Variants in PCDHA1 observed in about 807,000 individuals in gnomAD.
The protein encoded by PCDHA1 is protocadherin alpha-1.
Under a neutral mutation model 61.3 loss-of-function variants are expected in PCDHA1, and 42 were observed. The observed-to-expected ratio is 0.69, with a 90% CI of 0.54 to 0.89. PCDHA1 has a LOEUF of 0.89. Among genes scored for constraint, PCDHA1 ranks in the 40% least tolerant of loss-of-function variants. The probability of loss-of-function intolerance (pLI) is 0.00; values close to 1 mark genes in which losing one functional copy is unlikely to be tolerated. For synonymous variants in PCDHA1, 610 were observed against 553.8 expected (o/e 1.10, Z -1.43); for missense variants, 1,256 against 1,235.3 (o/e 1.02, Z -0.25).
chr5:140,880,528 A>T lies in PCDHA1; in HGVS notation c.2394+91844A>T, dbSNP rs539592135. ...GTTTGGTCACATCTCTCAATGTGTGAATCATCTGAAAGTGAACTGATGGAA... is the reference window on the plus strand; with the variant it reads ...GTTTGGTCACATCTCTCAATGTGTGTATCATCTGAAAGTGAACTGATGGAA... On this transcript the variant is annotated intron_variant, in intron 1 of 3. Coordinates refer to ENST00000504120, the MANE Select transcript of PCDHA1 (RefSeq NM_018900.4). 7.9e-5 allele frequency among the ~76,000 whole-genome samples: 12 copies of T among 152,354 alleles called. No homozygotes were observed. The East Asian group carries it at 2.3e-3, about 29-fold the overall frequency.
chr5:141,002,049 A>G (rs1288460436), intron 3 of PCDHA1, among the ~76,000 whole-genome samples: 1 of 152,228 alleles, frequency 6.6e-6, no homozygotes, highest in Non-Finnish European at 1.5e-5. Flanking sequence ...CTGGGCATCC[A>G]GAGGCAGCAG....
intron 1 of PCDHA1, chr5:140,828,936 A>G (rs1554131652): frequency 3.1e-6 from 5 of 1,614,144 alleles, no homozygotes; most frequent in Non-Finnish European, 4.2e-6. Flanking sequence ...TATTCTTTTA[A>G]TAGCCTTGTT....
At chr5:140,802,435 T>C in intron 1 of PCDHA1, 1 of 1,614,234 alleles carries the variant, frequency 6.2e-7, no homozygotes, top group Non-Finnish European at 8.5e-7. Context: ...GACAGCCCTC[T>C]GGACCGCGAG....
At chr5:140,858,790 AT>A in intron 1 of PCDHA1, 1 of 388,116 alleles carries the variant, frequency 2.6e-6, no homozygotes. Context: ...ATGTTATTTC[AT>A]TTCCAATCTA....
intron 1 of PCDHA1, among the ~76,000 whole-genome samples, chr5:140,798,771 C>A (rs947635529): frequency 6.6e-6 from 1 of 152,128 alleles, no homozygotes; most frequent in African/African-American, 2.4e-5. Context: ...CTGAACTCGA[C>A]AAGTAAATGT....
At chr5:140,837,441 C>T (rs1199592642) in intron 1 of PCDHA1, among the ~76,000 whole-genome samples, 4 of 151,714 alleles carry the variant, frequency 2.6e-5, no homozygotes, top group Admixed American at 6.6e-5. Flanking sequence ...AAATCTAGTA[C>T]GTAGTAAAAA....
chr5:140,853,994 C>T (rs1157670229), intron 1 of PCDHA1: 36 of 477,606 alleles, frequency 7.5e-5, no homozygotes, highest in Non-Finnish European at 9.6e-5. Flanking sequence ...TGAGACTCAT[C>T]TCTGCCAAAA....
At chr5:140,823,917 G>A in intron 1 of PCDHA1, 1 of 1,614,028 alleles carries the variant, frequency 6.2e-7, no homozygotes, top group Non-Finnish European at 8.5e-7. Flanking sequence ...TGCTCACGCT[G>A]CTGCTGTACA....
chr5:140,944,853 C>T (rs1230548858), intron 1 of PCDHA1, among the ~76,000 whole-genome samples: 1 of 152,118 alleles, frequency 6.6e-6, no homozygotes, highest in East Asian at 1.9e-4. Context: ...TTAGAATCAT[C>T]CTTATTTATC....
rs1291413682 is a variant in PCDHA1, at chr5:140,856,005, C to G, written c.2394+67321C>G. ...GAAAATGTCAGATCGTATGTGCGTT[C>G]TAGACCGCTGATTCGTCGATTTGTA... is the stretch of plus-strand genomic sequence containing the variant. On this transcript the variant is annotated intron_variant, in intron 1 of 3. Coordinates refer to ENST00000504120, the MANE Select transcript of PCDHA1 (RefSeq NM_018900.4). 6.5e-6 allele frequency: 10 copies of G among 1,538,764 alleles called. 3 individuals carry two copies. In the African/African-American group the frequency reaches 1.4e-4, roughly 21 times the overall value.
chr5:140,928,701 G>T, intron 1 of PCDHA1: 1 of 1,614,132 alleles, frequency 6.2e-7, no homozygotes, highest in Non-Finnish European at 8.5e-7. Context: ...TCTCCCGGGC[G>T]TCTGACTCTA....
At chr5:140,871,653 C>A in intron 1 of PCDHA1, 1 of 1,244,246 alleles carries the variant, frequency 8.0e-7, no homozygotes, top group Non-Finnish European at 1.1e-6. Context: ...CCAAATGATA[C>A]ACATCTTCAG....
chr5:141,000,163 A>G (rs2097894710), intron 3 of PCDHA1, among the ~76,000 whole-genome samples: 1 of 152,054 alleles, frequency 6.6e-6, no homozygotes, highest in African/African-American at 2.4e-5. Context: ...AAACTATTTG[A>G]TTATTGAGCC....
intron 3 of PCDHA1, among the ~76,000 whole-genome samples, chr5:141,001,177 T>G (rs2097996689): frequency 6.6e-6 from 1 of 152,154 alleles, no homozygotes; most frequent in Non-Finnish European, 1.5e-5. Context: ...TAACGAGTTT[T>G]TACTTTGCAC....
chr5:140,808,215 A>G (rs1307561739), intron 1 of PCDHA1: 2 of 1,614,142 alleles, frequency 1.2e-6, no homozygotes, highest in East Asian at 4.5e-5. Context: ...GTAGAAGACA[A>G]CAACGATAAT....
intron 1 of PCDHA1, chr5:140,968,411 G>C (rs895173088): frequency 1.9e-6 from 3 of 1,614,012 alleles, no homozygotes; most frequent in South Asian, 1.1e-5. Context: ...CTTTGTGACT[G>C]TGGAGGCTCA....
intron 1 of PCDHA1, chr5:140,796,280 C>G (rs781787997): frequency 1.2e-6 from 2 of 1,614,126 alleles, no homozygotes; most frequent in Non-Finnish European, 8.5e-7. Flanking sequence ...TGGGCCACCA[C>G]CAGCGTGTCC....
chr5:140,920,360 C>T (rs1049389066), intron 1 of PCDHA1, among the ~76,000 whole-genome samples: 2 of 151,950 alleles, frequency 1.3e-5, no homozygotes, highest in Non-Finnish European at 2.9e-5. Context: ...TAGTTCTATT[C>T]ATTTATTCTT....
chr5:140,868,468 TA>T (rs2050485574), intron 1 of PCDHA1: 1 of 152,446 alleles, frequency 6.6e-6, no homozygotes, highest in Non-Finnish European at 1.5e-5. Flanking sequence ...GCTGCTTTTA[TA>T]AAACTTCAAT....
Sources: allele counts gnomAD v4.1 joint callset (sites outside exome capture counted in the v4.1 genomes callset), GRCh38; gene constraint gnomAD v4.1.1; transcripts MANE v1.5; gene names NCBI Gene and HGNC (gene_info 2026-07-23, HGNC 2026-07-21).